The following HACE1 variants were observed in gnomAD, a reference collection of about 807,000 sequenced individuals.
HACE1 encodes E3 ubiquitin-protein ligase HACE1.
Under a neutral mutation model 118.4 loss-of-function variants are expected in HACE1, and 73 were observed. That is an observed-to-expected ratio of 0.62 (90% CI 0.51 to 0.75). The LOEUF (loss-of-function observed/expected upper bound fraction) is 0.75. Among genes scored for constraint, HACE1 ranks in the 30% least tolerant of loss-of-function variants. The pLI, the probability that HACE1 is intolerant of heterozygous loss-of-function variation, is 0.00. For synonymous variants in HACE1, 368 were observed against 374.8 expected, an observed-to-expected ratio of 0.98 and a Z score of 0.21; for missense variants, 749 against 1,102.2, an observed-to-expected ratio of 0.68 and a Z score of 4.54.
Position 104,843,262 on chromosome 6 carries a change from G to A in HACE1, c.363C>T (p.Ser121=), listed in dbSNP as rs979419631. The A allele has an allele frequency of 1.6e-5, 24 of 1,545,872 alleles. No homozygotes were observed. Among genetic ancestry groups the A allele is most frequent in the Middle Eastern group, 1.7e-4 (1 of 5,940 alleles). ...CATTATTACAAATGTTGACATCAGC[G>A]CTATATTCTAATAATTTACTCATAC... is the stretch of plus-strand genomic sequence containing the variant. ...KKCMSKLLEY[S]ADVNICNNEG... Residue 121 remains serine, a synonymous_variant, in exon 5 of 24, where the codon AGC becomes AGT. Transcript: ENST00000262903.
At position 104,852,201 on chromosome 6, in the gene HACE1, G is replaced by GTC. The variant is rs1433778788; in HGVS notation, c.131+115_131+116insGA. 50 of 549,438 alleles carry GTC rather than the reference G, an allele frequency of 9.1e-5. 1 individual carries two copies. Among genetic ancestry groups the GTC allele is most frequent in the South Asian group, 5.8e-4 (33 of 56,492 alleles). 34.0% of individuals were successfully genotyped at this position (549,438 alleles called of 1,614,324 possible). The stretch of plus-strand genomic sequence containing the variant: ...CAGAACATCTATGTCCAAACTGTCT[G>GTC]TGTGTGTGTGTGTGTGTGTGTGTGT... On this transcript the variant is annotated intron_variant, in intron 2 of 23. Transcript: ENST00000262903.
chr6:104,859,826 G>A lies in HACE1; in HGVS notation c.-184C>T. 1.8e-6 allele frequency: 1 copy of A among 562,224 alleles called. No homozygotes were observed. Among genetic ancestry groups the A allele is most frequent in the Non-Finnish European group, 3.0e-6 (1 of 328,588 alleles). The allele number at this position is 562,224 out of a possible 1,614,324, so 34.8% of individuals were successfully genotyped here. On this transcript the variant is annotated 5_prime_UTR_variant, in exon 1 of 24. Coordinates refer to ENST00000262903, the MANE Select transcript of HACE1 (RefSeq NM_020771.4). Reference sequence around the variant, plus strand: ...GCGTCCGGGGGCCGGGCTGCTGCCGGACCGACCACCTACAGTACACCCGCC... The same window carrying A: ...GCGTCCGGGGGCCGGGCTGCTGCCGAACCGACCACCTACAGTACACCCGCC...
chr6:104,825,402 C>T (rs918521385), intron 6 of HACE1, among the ~76,000 whole-genome samples: 3 of 152,200 alleles, frequency 2.0e-5, no homozygotes, highest in Non-Finnish European at 4.4e-5. Flanking sequence ...AACTTCACTT[C>T]AGCCTCGGAT....
intron 19 of HACE1, among the ~76,000 whole-genome samples, chr6:104,762,618 C>G (rs887028627): frequency 6.6e-6 from 1 of 152,050 alleles, no homozygotes; most frequent in African/African-American, 2.4e-5. Flanking sequence ...TTCATGGGTG[C>G]CACAAACCAC....
At chr6:104,756,779 C>T (rs1209106129) in intron 19 of HACE1, among the ~76,000 whole-genome samples, 1 of 152,182 alleles carries the variant, frequency 6.6e-6, no homozygotes, top group Non-Finnish European at 1.5e-5. Flanking sequence ...CAGGGGTTTT[C>T]CCCTTCCTAG....
chr6:104,811,755 A>T (rs1257674072), intron 6 of HACE1, among the ~76,000 whole-genome samples: 2 of 152,166 alleles, frequency 1.3e-5, no homozygotes, highest in Admixed American at 6.6e-5. Flanking sequence ...ATTATAGCTC[A>T]TTTGAATCTA....
At chr6:104,802,481 A>G (rs183187157) in intron 7 of HACE1, among the ~76,000 whole-genome samples, 2 of 152,360 alleles carry the variant, frequency 1.3e-5, no homozygotes, top group East Asian at 3.9e-4. Flanking sequence ...AGCACTCCTC[A>G]GCAAATGTAA....
At chr6:104,785,766 A>T (rs1488357744) in intron 11 of HACE1, 1 of 157,296 alleles carries the variant, frequency 6.4e-6, no homozygotes, top group Non-Finnish European at 1.4e-5. Flanking sequence ...TAATCACTCA[A>T]CATTTTCTGT....
chr6:104,832,313 T>TTAGAA (rs1201938343), intron 6 of HACE1, among the ~76,000 whole-genome samples: 1 of 152,190 alleles, frequency 6.6e-6, no homozygotes, highest in Non-Finnish European at 1.5e-5. Flanking sequence ...AACCTATGAA[T>TTAGAA]TAGAAATAAA....
intron 7 of HACE1, among the ~76,000 whole-genome samples, chr6:104,805,654 T>C (rs535651699): frequency 6.6e-6 from 1 of 152,120 alleles, no homozygotes; most frequent in South Asian, 2.1e-4. Context: ...AATTGAACAA[T>C]GAGAACACTT....
intron 6 of HACE1, among the ~76,000 whole-genome samples, chr6:104,822,079 C>T (rs1772784270): frequency 6.6e-6 from 1 of 151,396 alleles, no homozygotes; most frequent in Non-Finnish European, 1.5e-5. Context: ...TTAAATTATC[C>T]AGGCGTGGGC....
intron 7 of HACE1, among the ~76,000 whole-genome samples, chr6:104,805,819 C>A (rs562219732): frequency 6.6e-6 from 1 of 151,752 alleles, no homozygotes; most frequent in African/African-American, 2.4e-5. Flanking sequence ...CAAACCCGCA[C>A]GTTGTGCACA....
At chr6:104,848,326 C>T (rs982752705) in intron 4 of HACE1, among the ~76,000 whole-genome samples, 2 of 151,162 alleles carry the variant, frequency 1.3e-5, no homozygotes, top group Admixed American at 6.6e-5. Flanking sequence ...CGTGGTGGCA[C>T]GTGCCTGTAA....
Position 104,744,555 on chromosome 6 carries a change from G to A in HACE1, c.2399C>T (p.Thr800Ile). 1 of 1,605,072 alleles carries A rather than the reference G, an allele frequency of 6.2e-7. No individual in the cohort carries two copies. Among genetic ancestry groups the A allele is most frequent in the Non-Finnish European group, 8.5e-7 (1 of 1,171,922 alleles). The change falls in exon 21 of 24, where the codon ACA (threonine) becomes ATA (isoleucine). Residue 800 changes from threonine to isoleucine, a missense_variant. Physicochemically the swap from Thr to Ile is moderately conservative, Grantham distance 89. Around this residue, in one of 5 missense-constraint regions of HACE1, gnomAD observed 165 missense variants for 229.9 expected, o/e 0.72. Transcript: ENST00000262903. ...TCTTTCATAGCCACTTGTGTATTCT[G>A]TATTTTTTATCCAATCACTCACATC... ...EIDVSDWIKN[T>I]EYTSGYERED...
intron 12 of HACE1, among the ~76,000 whole-genome samples, 159 bp downstream of exon 12, chr6:104,784,826 A>G (rs966504243): frequency 2.6e-5 from 4 of 152,184 alleles, no homozygotes; most frequent in Non-Finnish European, 5.9e-5. Context: ...TTAATATTTA[A>G]ATATTCCCTA....
At chr6:104,804,430 A>G (rs1000836967) in intron 7 of HACE1, among the ~76,000 whole-genome samples, 26 of 152,192 alleles carry the variant, frequency 1.7e-4, no homozygotes, top group Admixed American at 1.6e-3. Context: ...AAAAAGAACA[A>G]AGCTGGCAGC....
intron 6 of HACE1, among the ~76,000 whole-genome samples, chr6:104,825,130 A>G (rs112937216): frequency 0.033 from 5,032 of 151,974 alleles, 288 homozygotes; most frequent in African/African-American, 0.12. Flanking sequence ...ATGGCAGAAT[A>G]TATGGATCAA....
At chr6:104,850,451 C>T (rs370071955) in intron 3 of HACE1, among the ~76,000 whole-genome samples, 2 of 152,164 alleles carry the variant, frequency 1.3e-5, no homozygotes, top group African/African-American at 4.8e-5. Flanking sequence ...AATTTCAACA[C>T]ATCTACCTAA....
At chr6:104,781,571 T>A (rs1781748081) in intron 14 of HACE1, among the ~76,000 whole-genome samples, 1 of 152,114 alleles carries the variant, frequency 6.6e-6, no homozygotes, top group South Asian at 2.1e-4. Flanking sequence ...ATTTTGTAAC[T>A]CCTTTCTCCA....
Sources: allele counts gnomAD v4.1 joint callset (sites outside exome capture counted in the v4.1 genomes callset), GRCh38; gene constraint gnomAD v4.1.1; regional missense constraint gnomAD v4.1.1; transcripts MANE v1.5; gene names NCBI Gene and HGNC (gene_info 2026-07-23, HGNC 2026-07-21).